The following RIMS2 variants were observed in gnomAD, a reference collection of about 807,000 sequenced individuals.
The protein encoded by RIMS2 is regulating synaptic membrane exocytosis 2.
Under a neutral mutation model 174.4 loss-of-function variants are expected in RIMS2, and 59 were observed. That is an observed-to-expected ratio of 0.34 (90% CI 0.27 to 0.42). The LOEUF (loss-of-function observed/expected upper bound fraction) is 0.42. Ranked by LOEUF, RIMS2 falls within the 10% of genes least tolerant of loss-of-function variation. RIMS2 has a pLI of 1.00. For synonymous variants in RIMS2, 606 were observed against 572.5 expected, an observed-to-expected ratio of 1.06 and a Z score of -0.84; for missense variants, 1,620 against 1,666.3, an observed-to-expected ratio of 0.97 and a Z score of 0.48.
At chr8:104,231,024 G>T (rs1331815243) in intron 19 of RIMS2, among the ~76,000 whole-genome samples, 1 of 152,166 alleles carries the variant, frequency 6.6e-6, no homozygotes, top group African/African-American at 2.4e-5. Context: ...ACCAAATGTG[G>T]CCTGACATTA....
chr8:103,541,414 A>C (rs1842518990), intron 1 of RIMS2, among the ~76,000 whole-genome samples: 1 of 152,246 alleles, frequency 6.6e-6, no homozygotes, highest in Non-Finnish European at 1.5e-5. Flanking sequence ...GGAGAGGTAA[A>C]TACTTTCCCA....
chr8:104,119,183 T>TA (rs770351018), intron 19 of RIMS2, among the ~76,000 whole-genome samples: 1,809 of 143,312 alleles, frequency 0.013, 41 homozygotes, highest in African/African-American at 0.039. Context: ...CGTCTCTACT[T>TA]AAAAACAAAA....
chr8:104,186,549 G>A (rs542766234), intron 19 of RIMS2, among the ~76,000 whole-genome samples: 10 of 151,868 alleles, frequency 6.6e-5, no homozygotes, highest in Non-Finnish European at 1.2e-4. Context: ...AACAGTTGGG[G>A]AGAATTAGTA....
chr8:103,956,447 C>T (rs1163163821), intron 14 of RIMS2, among the ~76,000 whole-genome samples: 1 of 152,138 alleles, frequency 6.6e-6, no homozygotes, highest in Non-Finnish European at 1.5e-5. Flanking sequence ...AATAATGCCA[C>T]ACATCTACAA....
At chr8:104,150,819 A>G (rs2134073122) in intron 19 of RIMS2, among the ~76,000 whole-genome samples, 1 of 152,304 alleles carries the variant, frequency 6.6e-6, no homozygotes, top group Admixed American at 6.5e-5. Context: ...TGATATGGTC[A>G]TATTTGTATG....
At chr8:103,973,598 A>C (rs2093130679) in intron 15 of RIMS2, among the ~76,000 whole-genome samples, 1 of 152,228 alleles carries the variant, frequency 6.6e-6, no homozygotes, top group South Asian at 2.1e-4. Flanking sequence ...CAAAGTTATG[A>C]ACTCAAGGGG....
chr8:104,002,061 T>A (rs918179346), intron 17 of RIMS2, among the ~76,000 whole-genome samples: 1 of 152,150 alleles, frequency 6.6e-6, no homozygotes, highest in African/African-American at 2.4e-5. Context: ...AAGCTTTACC[T>A]CCAATTCTAC....
At chr8:103,643,596 A>G (rs1376695828) in intron 1 of RIMS2, among the ~76,000 whole-genome samples, 1 of 152,124 alleles carries the variant, frequency 6.6e-6, no homozygotes, top group Non-Finnish European at 1.5e-5. Flanking sequence ...GTCAGAGGCT[A>G]AAATTTTTCT....
intron 3 of RIMS2, among the ~76,000 whole-genome samples, chr8:103,772,004 G>A (rs1306528867): frequency 2.0e-5 from 3 of 151,938 alleles, no homozygotes; most frequent in Admixed American, 6.6e-5. Context: ...TCAATATGAT[G>A]AATATTTAGC....
At chr8:104,128,653 C>T (rs916923087) in intron 19 of RIMS2, among the ~76,000 whole-genome samples, 14 of 152,160 alleles carry the variant, frequency 9.2e-5, no homozygotes, top group South Asian at 2.1e-4. Context: ...GCCAAGATCG[C>T]GCCATTGTAC....
chr8:103,987,334 A>G (rs72683125), intron 16 of RIMS2, among the ~76,000 whole-genome samples: 19,288 of 152,092 alleles, frequency 0.13, 1,694 homozygotes, highest in Non-Finnish European at 0.19. Flanking sequence ...AGTAAACCTT[A>G]CCATGAATTT....
chr8:104,159,664 T>C (rs1297308157), intron 19 of RIMS2, among the ~76,000 whole-genome samples: 2 of 152,226 alleles, frequency 1.3e-5, no homozygotes, highest in Admixed American at 1.3e-4. Context: ...GATTTGCATT[T>C]CCCTAATGAT....
chr8:104,161,951 T>C (rs144050774), intron 19 of RIMS2, among the ~76,000 whole-genome samples: 1 of 152,350 alleles, frequency 6.6e-6, no homozygotes, highest in East Asian at 1.9e-4. Flanking sequence ...TCTCTCTGAC[T>C]ATCCATTCTC....
In RIMS2 at chr8:103,603,213, G is replaced by A. The variant is rs536556124; in HGVS notation, c.177-93873G>A. Among the ~76,000 whole-genome samples, 4 of 142,064 alleles carry A rather than the reference G, an allele frequency of 2.8e-5. 1 individual carries two copies. In the South Asian group the frequency reaches 8.7e-4, roughly 31 times the overall value. 93.2% of individuals were successfully genotyped at this position (142,064 alleles called of 152,430 possible). On this transcript the variant is annotated intron_variant, in intron 1 of 23. Transcript: ENST00000504942. ...CTTCCTGTGTCCATGTGATCTCATT[G>A]TTCAATTCCCACCTATGAGTGAGCA...
At chr8:103,502,616 C>T (rs1208983542) in intron 1 of RIMS2, among the ~76,000 whole-genome samples, 1 of 152,160 alleles carries the variant, frequency 6.6e-6, no homozygotes, top group Non-Finnish European at 1.5e-5. Flanking sequence ...GCTTTTTGAG[C>T]ATACTTCTTA....
intron 1 of RIMS2, 46 bp from the exon 3 acceptor site, chr8:103,652,578 G>T (rs764041912): frequency 9.8e-7 from 1 of 1,022,570 alleles, no homozygotes; most frequent in East Asian, 5.2e-5. Context: ...AACCTACATT[G>T]TTATTCATTT....
At chr8:103,716,416 G>A (rs961941804) in intron 2 of RIMS2, 96 bp downstream of exon 5, 1 of 151,770 alleles carries the variant, frequency 6.6e-6, no homozygotes, top group African/African-American at 2.4e-5. Flanking sequence ...ATACTTCTCA[G>A]TGTTTTGTTA....
chr8:103,980,559 G>A (rs556616964), intron 16 of RIMS2, among the ~76,000 whole-genome samples: 2 of 152,016 alleles, frequency 1.3e-5, no homozygotes, highest in South Asian at 2.1e-4. Context: ...GAAAACTAAG[G>A]TGACTTTGTC....
At chr8:104,251,484 A>T (rs373090474) in intron 23 of RIMS2, 118 bp from the exon 30 acceptor site, 16 of 677,320 alleles carry the variant, frequency 2.4e-5, no homozygotes, top group African/African-American at 2.4e-4. Context: ...GCAGATTTTA[A>T]CTTGATCTTT....
Sources: allele counts gnomAD v4.1 joint callset (sites outside exome capture counted in the v4.1 genomes callset), GRCh38; gene constraint gnomAD v4.1.1; transcripts MANE v1.5; gene names NCBI Gene and HGNC (gene_info 2026-07-23, HGNC 2026-07-21).